Variants in DSCAML1 observed in about 807,000 individuals in gnomAD.
The protein encoded by DSCAML1 is cell adhesion molecule DSCAML1.
Under a neutral mutation model 200.5 loss-of-function variants are expected in DSCAML1, and 38 were observed. That is an observed-to-expected ratio of 0.19 (90% CI 0.15 to 0.25). The LOEUF (loss-of-function observed/expected upper bound fraction) is 0.25, where lower values mean the gene tolerates loss of function less well. Ranked by LOEUF, DSCAML1 falls within the 10% of genes least tolerant of loss-of-function variation. The pLI, the probability that DSCAML1 is intolerant of heterozygous loss-of-function variation, is 1.00. For synonymous variants in DSCAML1, 1,215 were observed against 1,165.0 expected (o/e 1.04, Z -0.87); for missense variants, 2,223 against 2,858.8 (o/e 0.78, Z 5.07).
intron 3 of DSCAML1, among the ~76,000 whole-genome samples, chr11:117,551,692 G>T (rs1390946085): frequency 1.3e-5 from 2 of 152,148 alleles, no homozygotes; most frequent in African/African-American, 4.8e-5. Flanking sequence ...TGGGGCAGTT[G>T]GGGAAAGGGG....
At chr11:117,502,302 G>C (rs569933878) in intron 11 of DSCAML1, among the ~76,000 whole-genome samples, 1 of 152,292 alleles carries the variant, frequency 6.6e-6, no homozygotes, top group South Asian at 2.1e-4. Context: ...CAGCTCAGCG[G>C]AATCCCCCAA....
At chr11:117,609,035 C>CAAACA (rs747841159) in intron 3 of DSCAML1, among the ~76,000 whole-genome samples, 88 of 110,954 alleles carry the variant, frequency 7.9e-4, no homozygotes, top group Non-Finnish European at 1.3e-3. Flanking sequence ...AACAAACAAA[C>CAAACA]AAAAAAAACA....
At chr11:117,620,489 T>C (rs900145879) in intron 3 of DSCAML1, among the ~76,000 whole-genome samples, 3 of 152,194 alleles carry the variant, frequency 2.0e-5, no homozygotes, top group Non-Finnish European at 2.9e-5. Flanking sequence ...GGAACGACAC[T>C]GTGACTGAAA....
intron 11 of DSCAML1, among the ~76,000 whole-genome samples, chr11:117,495,130 G>A (rs187382196): frequency 7.9e-5 from 12 of 152,234 alleles, no homozygotes; most frequent in Admixed American, 2.0e-4. Flanking sequence ...CATGGAGCTG[G>A]GCCAGGGTAG....
intron 3 of DSCAML1, among the ~76,000 whole-genome samples, chr11:117,609,582 T>C (rs548231386): frequency 2.0e-5 from 3 of 152,320 alleles, no homozygotes; most frequent in East Asian, 3.9e-4. Flanking sequence ...GCTGAGATTA[T>C]AGGCATGAGC....
At chr11:117,625,951 G>A (rs117870205) in intron 3 of DSCAML1, among the ~76,000 whole-genome samples, 2,390 of 152,348 alleles carry the variant, frequency 0.016, 32 homozygotes, top group East Asian at 0.058. Context: ...TGACAGAAGC[G>A]CTGGTCCCAT....
intron 3 of DSCAML1, among the ~76,000 whole-genome samples, chr11:117,630,893 G>T (rs1324015775): frequency 6.6e-6 from 1 of 152,078 alleles, no homozygotes; most frequent in Non-Finnish European, 1.5e-5. Context: ...CAGGTCGCAT[G>T]AACTCTCTGT....
rs1367652735 is a variant in DSCAML1, at chr11:117,450,645, A to G, written c.3612T>C (p.Ala1204=). The part of the protein sequence containing the change: ...PAGIKAVPSS[A]SSVVVSWLPP... ...GGAGCCAAGACACAACCACACTGCT[A>G]GCTGATGAAGGGACAGCTTTGATGC... is the stretch of plus-strand genomic sequence containing the variant. Residue 1204 remains alanine (A), a synonymous_variant, in exon 20 of 33, where the codon GCT becomes GCC. Transcript: ENST00000651296. 1.2e-6 allele frequency: 2 copies of G among 1,614,060 alleles called. No homozygotes were observed. Among genetic ancestry groups the G allele is most frequent in the African/African-American group, 2.7e-5 (2 of 74,932 alleles).
chr11:117,795,571 G>A (rs866483273), intron 1 of DSCAML1, among the ~76,000 whole-genome samples: 2 of 152,066 alleles, frequency 1.3e-5, no homozygotes, highest in Middle Eastern at 3.2e-3. Context: ...TGTAACCCGG[G>A]GGACCCCACT....
At chr11:117,567,747 A>G (rs2050782142) in intron 3 of DSCAML1, among the ~76,000 whole-genome samples, 1 of 152,202 alleles carries the variant, frequency 6.6e-6, no homozygotes, top group Non-Finnish European at 1.5e-5. Flanking sequence ...TACCAACCAA[A>G]AAGAGTCCAG....
intron 11 of DSCAML1, among the ~76,000 whole-genome samples, chr11:117,483,504 G>A (rs1433980042): frequency 1.3e-5 from 2 of 152,212 alleles, no homozygotes; most frequent in East Asian, 1.9e-4. Flanking sequence ...CAAACATGGC[G>A]TGATCTCATG....
rs759818029 is a variant in DSCAML1 at position 117,505,016 on chromosome 11, T to C, written c.2090A>G (p.Asn697Ser). The change falls in exon 10 of 33, where the codon AAC becomes AGC. Residue 697 changes from asparagine to serine, a missense_variant. This residue lies in a region of DSCAML1 where 212 missense variants were observed against 368.0 expected (regional missense o/e 0.58). Transcript: ENST00000651296. The surrounding 1 kb of genome is among the most constrained non-coding windows in gnomAD (Gnocchi z 6.7). ...TTTGCCGTAGATGCCATCCTGGTTGTTGGGTTGCACCACAAATCGAGGGGG... is the reference window on the plus strand; with the variant it reads ...TTTGCCGTAGATGCCATCCTGGTTGCTGGGTTGCACCACAAATCGAGGGGG... ...RVPPRFVVQP[N>S]NQDGIYGKAG... 4 of 1,611,948 alleles carry C rather than the reference T, an allele frequency of 2.5e-6. No individual in the cohort carries two copies. Among genetic ancestry groups the C allele is most frequent in the Non-Finnish European group, 3.4e-6 (4 of 1,178,962 alleles).
At chr11:117,671,115 TC>T (rs1313355940) in intron 3 of DSCAML1, among the ~76,000 whole-genome samples, 1 of 152,190 alleles carries the variant, frequency 6.6e-6, no homozygotes, top group Non-Finnish European at 1.5e-5. Context: ...AGTCCACAGC[TC>T]CCCGAGAGGG....
At position 117,470,370 on chromosome 11, in the gene DSCAML1, T is replaced by G. The variant is rs556247089; in HGVS notation, c.2954-390A>C. Among the ~76,000 whole-genome samples, 25 of 152,094 alleles carry G rather than the reference T, an allele frequency of 1.6e-4. No homozygotes were observed. The East Asian group carries it at 4.1e-3, about 25-fold the overall frequency. ...GCGGGCGGATCACGAGGTCAGGAGA[T>G]CGAGACCATCCTGGCTAACAGGGTG... is the stretch of plus-strand genomic sequence containing the variant. On this transcript the variant is annotated intron_variant, in intron 15 of 32. Transcript: ENST00000651296.
At chr11:117,770,545 G>A (rs769098823) in intron 3 of DSCAML1, among the ~76,000 whole-genome samples, 3 of 152,050 alleles carry the variant, frequency 2.0e-5, no homozygotes, top group Admixed American at 6.6e-5. Context: ...TCCACAGGAC[G>A]GTTCAGTAGG....
At chr11:117,647,232 C>G (rs962535860) in intron 3 of DSCAML1, among the ~76,000 whole-genome samples, 1 of 152,222 alleles carries the variant, frequency 6.6e-6, no homozygotes, top group Non-Finnish European at 1.5e-5. Flanking sequence ...TGCATGGAGC[C>G]CTTCCCATTC....
rs3741280 is a variant in DSCAML1 at position 117,532,520 on chromosome 11, G to T, written c.514C>A (p.His172Asn). The change falls in exon 4 of 33, where the codon CAC becomes AAC. Residue 172 changes from histidine to asparagine, a missense_variant and splice_region_variant. Physicochemically the swap from His to Asn is moderately conservative, Grantham distance 68. Transcript: ENST00000651296. Reference protein sequence around the residue: ...EKDTVSIIPEHRFFITYHGGL... With the variant: ...EKDTVSIIPENRFFITYHGGL... ...CCGTGGTAGGTAATAAAAAACCTGTGTTCTGGAGACACAATCAGGACATAG... is the reference window on the plus strand; with the variant it reads ...CCGTGGTAGGTAATAAAAAACCTGTTTTCTGGAGACACAATCAGGACATAG... 0.31 allele frequency: 498,815 copies of T among 1,612,492 alleles called. 83,909 individuals carry two copies. Among genetic ancestry groups the T allele is most frequent in the South Asian group, 0.56 (50,875 of 90,794 alleles).
chr11:117,587,516 A>G (rs989222020), intron 3 of DSCAML1, among the ~76,000 whole-genome samples: 5 of 151,796 alleles, frequency 3.3e-5, no homozygotes, highest in South Asian at 2.1e-4. Flanking sequence ...CCTCTCCCCT[A>G]TCTCCTCTAG....
intron 23 of DSCAML1, 69 bp from the exon 24 acceptor site, chr11:117,439,052 C>T (rs987524527): frequency 4.5e-5 from 66 of 1,462,854 alleles, no homozygotes; most frequent in East Asian, 9.4e-5. Flanking sequence ...GGAGTCCCCC[C>T]GTGACGGGAA....
Sources: allele counts gnomAD v4.1 joint callset (sites outside exome capture counted in the v4.1 genomes callset), GRCh38; gene constraint gnomAD v4.1.1; regional missense constraint gnomAD v4.1.1; non-coding constraint Gnocchi (gnomAD v3.1); transcripts MANE v1.5; gene names NCBI Gene and HGNC (gene_info 2026-07-23, HGNC 2026-07-21).